Variants in GPR39 observed in about 807,000 individuals in gnomAD.
The protein encoded by GPR39 is G protein-coupled receptor 39, also known as zinc sensing receptor.
A neutral mutation model predicts 18.4 loss-of-function variants in GPR39; 23 were observed. The ratio of observed to expected loss-of-function variants is 1.25; its 90% CI spans 0.90 to 1.77. The LOEUF (loss-of-function observed/expected upper bound fraction) is 1.77. Among genes scored for constraint, GPR39 ranks in the 40% most tolerant of loss-of-function variants. The pLI is 0.00. For missense variants in GPR39, 647 were observed against 602.4 expected, an observed-to-expected ratio of 1.07 and a Z score of -0.78; for synonymous variants, 280 against 257.9, an observed-to-expected ratio of 1.09 and a Z score of -0.82.
At chr2:132,463,715 TA>T (rs1168260356) in intron 1 of GPR39, among the ~76,000 whole-genome samples, 1 of 152,226 alleles carries the variant, frequency 6.6e-6, no homozygotes, top group Non-Finnish European at 1.5e-5. Flanking sequence ...TATTGCTATA[TA>T]ACAAACCACT....
chr2:132,466,507 G>GGGCCAGA, intron 1 of GPR39, among the ~76,000 whole-genome samples: 1 of 152,292 alleles, frequency 6.6e-6, no homozygotes, highest in Non-Finnish European at 1.5e-5. Context: ...GGCCAGGGTT[G>GGGCCAGA]ACTGAGTTCT....
intron 1 of GPR39, among the ~76,000 whole-genome samples, chr2:132,510,342 C>G (rs1679216872): frequency 6.6e-6 from 1 of 152,150 alleles, no homozygotes; most frequent in Admixed American, 6.5e-5. Context: ...CCAGTCTCCC[C>G]AGGCTCGGGA....
rs1682020402 is a variant in GPR39 at position 132,645,559 on chromosome 2, C to G, written c.1315C>G (p.Pro439Ala). Residue 439 changes from proline (P) to alanine (A), a missense_variant, in exon 2 of 2, where the codon CCA (proline) becomes GCA (alanine). Coordinates refer to ENST00000329321, the MANE Select transcript of GPR39 (RefSeq NM_001508.3). ...ESLEPNSGAK[P>A]ANSAAENGFQ... Reference sequence around the variant, plus strand: ...ACTAGAGCCCAACTCAGGCGCGAAACCAGCCAATTCTGCTGCAGAGAATGG... The same window carrying G: ...ACTAGAGCCCAACTCAGGCGCGAAAGCAGCCAATTCTGCTGCAGAGAATGG... The G allele has an allele frequency of 1.2e-6, 2 of 1,613,980 alleles. No homozygotes were observed. The highest frequency in any genetic ancestry group is 1.1e-5 in the South Asian group (1 of 91,068).
intron 1 of GPR39, among the ~76,000 whole-genome samples, chr2:132,585,463 C>T (rs1034508019): frequency 5.9e-5 from 9 of 152,332 alleles, no homozygotes; most frequent in African/African-American, 1.7e-4. Context: ...CCCTTCCGTC[C>T]CCTCCCCGCT....
intron 1 of GPR39, among the ~76,000 whole-genome samples, chr2:132,545,350 T>C (rs1239082499): frequency 6.6e-6 from 1 of 152,216 alleles, no homozygotes; most frequent in African/African-American, 2.4e-5. Context: ...TTATAAACAT[T>C]GAGCAGACAT....
intron 1 of GPR39, among the ~76,000 whole-genome samples, chr2:132,461,771 A>G (rs1220286085): frequency 1.3e-5 from 2 of 152,256 alleles, no homozygotes; most frequent in East Asian, 3.8e-4. Context: ...TTAGTTCAAT[A>G]AGTATCTGTC....
intron 1 of GPR39, among the ~76,000 whole-genome samples, chr2:132,538,593 CT>C (rs1679803003): frequency 6.6e-6 from 1 of 152,208 alleles, no homozygotes; most frequent in African/African-American, 2.4e-5. Flanking sequence ...GAGAATCCCC[CT>C]TGTCAGGATC....
At chr2:132,510,181 G>A (rs1463222527) in intron 1 of GPR39, among the ~76,000 whole-genome samples, 2 of 152,182 alleles carry the variant, frequency 1.3e-5, no homozygotes, top group Non-Finnish European at 2.9e-5. Flanking sequence ...GTTAAGCACT[G>A]GGATGGTTTT....
At chr2:132,483,676 A>T (rs551487324) in intron 1 of GPR39, among the ~76,000 whole-genome samples, 1 of 152,190 alleles carries the variant, frequency 6.6e-6, no homozygotes, top group African/African-American at 2.4e-5. Context: ...GTTGCTTTTC[A>T]GTTTGTTCAC....
intron 1 of GPR39, among the ~76,000 whole-genome samples, chr2:132,531,462 A>G (rs1249335226): frequency 6.6e-6 from 1 of 152,200 alleles, no homozygotes; most frequent in Non-Finnish European, 1.5e-5. Flanking sequence ...GAAAGTTAAC[A>G]AGGATATCCA....
intron 1 of GPR39, among the ~76,000 whole-genome samples, chr2:132,621,513 C>G (rs1222988369): frequency 6.6e-6 from 1 of 152,210 alleles, no homozygotes; most frequent in African/African-American, 2.4e-5. Context: ...GTTCTACCAT[C>G]AGCACTGCCA....
chr2:132,510,407 G>C (rs1275355354), intron 1 of GPR39, among the ~76,000 whole-genome samples: 2 of 152,142 alleles, frequency 1.3e-5, no homozygotes, highest in Non-Finnish European at 2.9e-5. Context: ...TACCACAGCT[G>C]AGGGACCCCA....
At chr2:132,489,113 C>A in intron 1 of GPR39, 1 of 230,618 alleles carries the variant, frequency 4.3e-6, no homozygotes. Flanking sequence ...ACTCCACAGT[C>A]ATTCCATATC....
chr2:132,591,236 C>A (rs1304067844), intron 1 of GPR39, among the ~76,000 whole-genome samples: 2 of 117,960 alleles, frequency 1.7e-5, no homozygotes, highest in African/African-American at 3.3e-5. Context: ...CCGGCCTGGG[C>A]GACAGAGCGA....
At chr2:132,636,615 G>T (rs1558866737) in intron 1 of GPR39, among the ~76,000 whole-genome samples, 1 of 152,234 alleles carries the variant, frequency 6.6e-6, no homozygotes, top group Non-Finnish European at 1.5e-5. Flanking sequence ...CATGGGCTGT[G>T]TAAATTTGGG....
intron 1 of GPR39, among the ~76,000 whole-genome samples, chr2:132,535,680 C>G (rs990461893): frequency 1.7e-5 from 2 of 118,454 alleles, no homozygotes; most frequent in Non-Finnish European, 1.7e-5. Context: ...GGCTGTGAAT[C>G]CATCTGGTCC....
Position 132,416,866 on chromosome 2 carries a change from C to A in GPR39, c.-177C>A, listed in dbSNP as rs1029380739. 12 of 847,288 alleles carry A rather than the reference C, an allele frequency of 1.4e-5. No homozygotes were observed. Among genetic ancestry groups the A allele is most frequent in the Non-Finnish European group, 2.1e-5 (12 of 559,022 alleles). 52.5% of individuals were successfully genotyped at this position (847,288 alleles called of 1,614,324 possible). A position where few individuals can be genotyped will look rare whatever the true frequency, so the allele number is the denominator to read the frequency against. On this transcript the variant is annotated 5_prime_UTR_variant, in exon 1 of 2. Transcript: ENST00000329321. ...TGGGCCTCTCCTAGGTTGGGCTGCT[C>A]CAGCAAGTTTCCATGAAAGCACCTG...
intron 1 of GPR39, among the ~76,000 whole-genome samples, chr2:132,611,512 T>C (rs1469084042): frequency 6.6e-6 from 1 of 152,196 alleles, no homozygotes; most frequent in Non-Finnish European, 1.5e-5. Context: ...TACTAAACTA[T>C]TTGCATATTT....
In GPR39 at chr2:132,443,057, T is replaced by C. The variant is rs989691099; in HGVS notation, c.856+25159T>C. ...GGAATATATTCAGTATAGTTAATAT[T>C]TTATGTTTTAATTTTCATTTACATT... On this transcript the variant is annotated intron_variant, in intron 1 of 1. Coordinates refer to ENST00000329321, the MANE Select transcript of GPR39 (RefSeq NM_001508.3). Among the ~76,000 whole-genome samples, 59 of 152,220 alleles carry C rather than the reference T, an allele frequency of 3.9e-4. 1 individual carries two copies. The highest frequency in any genetic ancestry group is 1.4e-3 in the African/African-American group (57 of 41,460).
Sources: gnomAD v4.1 joint callset for allele counts (sites outside exome capture counted in the v4.1 genomes callset) on GRCh38, gnomAD v4.1.1 for gene constraint, MANE v1.5 for transcripts, NCBI Gene and HGNC (gene_info 2026-07-23, HGNC 2026-07-21) for gene names.